The following SPTBN4 variants were observed in gnomAD, a reference collection of about 807,000 sequenced individuals.
The protein encoded by SPTBN4 is spectrin beta chain, non-erythrocytic 4.
In SPTBN4, 96 loss-of-function variants were observed where a neutral mutation model predicts 277.8. That is an observed-to-expected ratio of 0.35 (90% CI 0.29 to 0.41). SPTBN4 has a LOEUF of 0.41. Ranked by LOEUF, SPTBN4 falls within the 10% of genes least tolerant of loss-of-function variation. The pLI is 1.00. For synonymous variants in SPTBN4, 1,481 were observed against 1,580.3 expected, an observed-to-expected ratio of 0.94 and a Z score of 1.49; for missense variants, 3,006 against 3,595.7, an observed-to-expected ratio of 0.84 and a Z score of 4.19.
At chr19:40,542,585 C>T (rs2080813778) in intron 20 of SPTBN4, among the ~76,000 whole-genome samples, 1 of 151,950 alleles carries the variant, frequency 6.6e-6, no homozygotes, top group South Asian at 2.1e-4. Flanking sequence ...CCCTGGGGAC[C>T]CCACACTTTT....
intron 2 of SPTBN4, among the ~76,000 whole-genome samples, chr19:40,479,054 G>A (rs778278366): frequency 2.0e-5 from 3 of 152,178 alleles, no homozygotes; most frequent in East Asian, 1.9e-4. Flanking sequence ...AGACCACTAC[G>A]CTGCATTTCT....
chr19:40,549,186 C>T lies in SPTBN4; in HGVS notation c.4360-3C>T, dbSNP rs1210953115. 1 of 1,540,828 alleles carries T rather than the reference C, an allele frequency of 6.5e-7. No individual in the cohort carries two copies. On this transcript the variant is annotated splice_region_variant and splice_polypyrimidine_tract_variant and intron_variant, in intron 20 of 35. Transcript: ENST00000598249. ...CCCATTGACCCTGCCTCTGTCCCCACAGTCCATGGAGTCGCAGGTGGAGGA... is the reference window on the plus strand; with the variant it reads ...CCCATTGACCCTGCCTCTGTCCCCATAGTCCATGGAGTCGCAGGTGGAGGA...
chr19:40,485,629 G>C (rs1322515143), intron 2 of SPTBN4, among the ~76,000 whole-genome samples: 2 of 151,886 alleles, frequency 1.3e-5, no homozygotes, highest in Non-Finnish European at 2.9e-5. Context: ...AACATCGTGA[G>C]ACCCTTGTCT....
At position 40,513,121 on chromosome 19, in the gene SPTBN4, T is replaced by C; in HGVS notation, c.2332T>C (p.Phe778Leu). ...GCAGGAGGCGCGGGCGCTGCACCAGTTCGGCGCTGACCTCGACGGGCTGCT... is the reference window on the plus strand; with the variant it reads ...GCAGGAGGCGCGGGCGCTGCACCAGCTCGGCGCTGACCTCGACGGGCTGCT... ...RLQEARALHQ[F>L]GADLDGLLDW... Residue 778 changes from phenylalanine to leucine, a missense_variant, in exon 14 of 36, where the codon TTC (phenylalanine) becomes CTC (leucine). This residue lies in a region of SPTBN4 where 1,759 missense variants were observed against 2,061.5 expected (regional missense o/e 0.85). Transcript: ENST00000598249. The C allele has an allele frequency of 1.4e-6, 2 of 1,479,556 alleles. No homozygotes were observed. Among genetic ancestry groups the C allele is most frequent in the Non-Finnish European group, 1.8e-6 (2 of 1,124,214 alleles). The allele number at this position is 1,479,556 out of a possible 1,614,324, so 91.7% of individuals were successfully genotyped here.
chr19:40,479,040 A>G (rs1363868939), intron 2 of SPTBN4, among the ~76,000 whole-genome samples: 1 of 152,112 alleles, frequency 6.6e-6, no homozygotes, highest in Non-Finnish European at 1.5e-5. Flanking sequence ...TGCAAATATG[A>G]CGTAGACCAC....
intron 7 of SPTBN4, among the ~76,000 whole-genome samples, chr19:40,498,858 C>T (rs1280764007): frequency 6.6e-6 from 1 of 151,666 alleles, no homozygotes; most frequent in African/African-American, 2.4e-5. Flanking sequence ...TGCACCATCA[C>T]ACCTGGCTAA....
intron 2 of SPTBN4, among the ~76,000 whole-genome samples, chr19:40,476,920 G>C (rs2079955069): frequency 6.6e-6 from 1 of 151,948 alleles, no homozygotes; most frequent in East Asian, 1.9e-4. Flanking sequence ...TTGAGGAGGA[G>C]GGGGTCTCTC....
intron 20 of SPTBN4, among the ~76,000 whole-genome samples, chr19:40,542,704 G>A (rs2080815529): frequency 6.6e-6 from 1 of 151,634 alleles, no homozygotes; most frequent in South Asian, 2.1e-4. Context: ...GCTCAGCATG[G>A]CCTAGGAGAG....
chr19:40,560,375 A>G lies in SPTBN4; in HGVS notation c.5887A>G (p.Ser1963Gly). Residue 1963 changes from serine to glycine, a missense_variant, in exon 27 of 36, where the codon AGC becomes GGC. Physicochemically the swap from Ser to Gly is moderately conservative, Grantham distance 56. Transcript: ENST00000598249. The surrounding 1 kb of genome is among the most constrained non-coding windows in gnomAD (Gnocchi z 5.2). ...DLLSWMDGIA[S>G]QIGAADKPRD... ...GCTCTCCTGGATGGATGGCATCGCC[A>G]GCCAGATTGGGGCAGCCGACAAGCC... is the stretch of plus-strand genomic sequence containing the variant. 3 of 1,614,068 alleles carry G rather than the reference A, an allele frequency of 1.9e-6. No individual in the cohort carries two copies. The highest frequency in any genetic ancestry group is 2.5e-6 in the Non-Finnish European group (3 of 1,180,022).
intron 35 of SPTBN4, 29 bp from the exon 36 acceptor site, chr19:40,575,382 C>T (rs769121789): frequency 2.5e-6 from 4 of 1,601,246 alleles, no homozygotes; most frequent in East Asian, 4.5e-5. Context: ...CTTCCAAATA[C>T]GGCCTCTGTG....
At chr19:40,495,553 C>T (rs984200874) in intron 6 of SPTBN4, among the ~76,000 whole-genome samples, 1 of 152,064 alleles carries the variant, frequency 6.6e-6, no homozygotes, top group African/African-American at 2.4e-5. Flanking sequence ...GAGGCTGAGG[C>T]AGGAGAATCG....
chr19:40,470,368 C>G (rs990039733), intron 1 of SPTBN4, among the ~76,000 whole-genome samples: 1 of 151,902 alleles, frequency 6.6e-6, no homozygotes, highest in Non-Finnish European at 1.5e-5. Flanking sequence ...TGCAGTGGTG[C>G]CATCTTGGCT....
Position 40,560,179 on chromosome 19 carries a change from G to T in SPTBN4, c.5691G>T (p.Gly1897=). ...TTCAGGTACGGCAGCTGCAGGAGGG[G>T]GCGGCCCAGCTGCGGACGGTGTATG... ...LVSQVRQLQE[G]AAQLRTVYAG... is the part of the protein sequence containing the mutation. The change falls in exon 27 of 36, where the codon GGG becomes GGT. Residue 1897 remains glycine (G), a synonymous_variant. Coordinates refer to ENST00000598249, the MANE Select transcript of SPTBN4 (RefSeq NM_020971.3). This position sits in a 1 kb window ranked among gnomAD's most constrained non-coding sequence, Gnocchi z 5.2. The T allele has an allele frequency of 1.3e-6, 2 of 1,599,154 alleles. No homozygotes were observed. Among genetic ancestry groups the T allele is most frequent in the Non-Finnish European group, 1.7e-6 (2 of 1,177,996 alleles).
In SPTBN4 at chr19:40,512,686, G is replaced by T; in HGVS notation, c.1897G>T (p.Ala633Ser). Residue 633 changes from alanine to serine, a missense_variant, in exon 14 of 36, where the codon GCA becomes TCA. Physicochemically the swap from Ala to Ser is moderately conservative, Grantham distance 99. Coordinates refer to ENST00000598249, the MANE Select transcript of SPTBN4 (RefSeq NM_020971.3). ...HGCLAELQEQ[A>S]ARRRAELEAS... ...CTGCCTGGCGGAGCTGCAGGAGCAGGCAGCGCGGCGACGCGCGGAGCTGGA... is the reference window on the plus strand; with the variant it reads ...CTGCCTGGCGGAGCTGCAGGAGCAGTCAGCGCGGCGACGCGCGGAGCTGGA... 1 of 1,530,146 alleles carries T rather than the reference G, an allele frequency of 6.5e-7. No individual in the cohort carries two copies. The highest frequency in any genetic ancestry group is 8.7e-7 in the Non-Finnish European group (1 of 1,145,276). The allele number at this position is 1,530,146 out of a possible 1,614,324, so 94.8% of individuals were successfully genotyped here.
Position 40,467,012 on chromosome 19 carries a change from G to A in SPTBN4, c.-309G>A, listed in dbSNP as rs2079831241. ...CAGCGCGTGACGCCGCCGTGCCCTC[G>A]CGAGTGCAGCCGTGCACCCCACGCC... is the stretch of plus-strand genomic sequence containing the variant. On this transcript the variant is annotated 5_prime_UTR_variant, in exon 1 of 36. Transcript: ENST00000598249. 6.6e-6 allele frequency among the ~76,000 whole-genome samples: 1 copy of A among 151,844 alleles called. No homozygotes were observed. The highest frequency in any genetic ancestry group is 2.4e-5 in the African/African-American group (1 of 41,406).
intron 13 of SPTBN4, among the ~76,000 whole-genome samples, chr19:40,511,986 T>C (rs1055737771): frequency 6.6e-6 from 1 of 152,014 alleles, no homozygotes; most frequent in Non-Finnish European, 1.5e-5. Context: ...GAGCCAGGCG[T>C]GGTGGCGGGC....
At chr19:40,552,478 TAA>T (rs1233536208) in intron 22 of SPTBN4, among the ~76,000 whole-genome samples, 2 of 137,406 alleles carry the variant, frequency 1.5e-5, no homozygotes, top group Non-Finnish European at 1.6e-5. Flanking sequence ...AAAAAAAGAT[TAA>T]AAAAAAAAAA....
In SPTBN4 at chr19:40,512,652, C is replaced by T; in HGVS notation, c.1863C>T (p.His621=). Residue 621 remains histidine (H), a synonymous_variant, in exon 14 of 36, where the codon CAC becomes CAT. Coordinates refer to ENST00000598249, the MANE Select transcript of SPTBN4 (RefSeq NM_020971.3). The part of the protein sequence containing the change: ...DPQVICNRVN[H]VHGCLAELQE... ...AGGTCATCTGCAACCGCGTGAACCA[C>T]GTGCACGGCTGCCTGGCGGAGCTGC... 1 of 1,542,194 alleles carries T rather than the reference C, an allele frequency of 6.5e-7. No individual in the cohort carries two copies. Among genetic ancestry groups the T allele is most frequent in the African/African-American group, 1.4e-5 (1 of 72,650 alleles).
At position 40,575,969 on chromosome 19, in the gene SPTBN4, C is replaced by A; in HGVS notation, c.*400C>A. Reference sequence around the variant, plus strand: ...TCTGCCCTAGGGATGGGCACGGGGGCGCTGGTGAGGTCCCCTGGACCATCC... The same window carrying A: ...TCTGCCCTAGGGATGGGCACGGGGGAGCTGGTGAGGTCCCCTGGACCATCC... On this transcript the variant is annotated 3_prime_UTR_variant, in exon 36 of 36. Transcript: ENST00000598249. 1 of 167,548 alleles carries A rather than the reference C, an allele frequency of 6.0e-6. No homozygotes were observed. The highest frequency in any genetic ancestry group is 1.3e-5 in the Non-Finnish European group (1 of 77,260). The allele number at this position is 167,548 out of a possible 1,614,324, so 10.4% of individuals were successfully genotyped here. A position where few individuals can be genotyped will look rare whatever the true frequency, so the allele number is the denominator to read the frequency against.
Sources: gnomAD v4.1 joint callset for allele counts (sites outside exome capture counted in the v4.1 genomes callset) on GRCh38, gnomAD v4.1.1 for gene constraint, gnomAD v4.1.1 regional missense constraint, Gnocchi (gnomAD v3.1) non-coding constraint, MANE v1.5 for transcripts, NCBI Gene and HGNC (gene_info 2026-07-23, HGNC 2026-07-21) for gene names.